ERG: variants seen among roughly 807,000 people sequenced by gnomAD.
The protein encoded by ERG is ETS transcription factor ERG.
A neutral mutation model predicts 55.3 loss-of-function variants in ERG; 9 were observed. The observed-to-expected ratio is 0.16, with a 90% CI of 0.10 to 0.28. ERG has a LOEUF of 0.28. Ranked by LOEUF, ERG falls within the 10% of genes least tolerant of loss-of-function variation. ERG has a pLI of 1.00. For missense variants in ERG, 434 were observed against 631.6 expected (o/e 0.69, Z 3.35); for synonymous variants, 223 against 237.3 (o/e 0.94, Z 0.55).
the ERG span, among the ~76,000 whole-genome samples, chr21:38,373,856 CAT>C: frequency 2.0e-5 from 3 of 152,024 alleles, no homozygotes; most frequent in South Asian, 2.1e-4. Context: ...TGAGACAGCA[CAT>C]GAGTAAGCTC....
intron 2 of ERG, among the ~76,000 whole-genome samples, chr21:38,435,283 G>A (rs1213274773): frequency 6.6e-6 from 1 of 152,066 alleles, no homozygotes; most frequent in African/African-American, 2.4e-5. Context: ...AGTGTGAATC[G>A]AGGTCAGTCA....
intron 2 of ERG, among the ~76,000 whole-genome samples, chr21:38,521,616 G>A (rs1375730448): frequency 1.3e-5 from 2 of 152,152 alleles, no homozygotes; most frequent in African/African-American, 2.4e-5. Flanking sequence ...GAGGAACCTG[G>A]TACAAGTGAA....
intron 1 of ERG, chr21:38,471,446 C>T (rs2059138478): frequency 6.6e-6 from 1 of 152,220 alleles, no homozygotes; most frequent in African/African-American, 2.4e-5. Context: ...CGGAGCTCAT[C>T]AAAGAACGAC....
At chr21:38,454,981 C>T (rs2058973921) in intron 1 of ERG, among the ~76,000 whole-genome samples, 1 of 152,098 alleles carries the variant, frequency 6.6e-6, no homozygotes, top group Non-Finnish European at 1.5e-5. Context: ...TAAATCAAAG[C>T]TTTGTGCAGG....
At chr21:38,594,495 G>A (rs907294965) in intron 1 of ERG, among the ~76,000 whole-genome samples, 2 of 152,062 alleles carry the variant, frequency 1.3e-5, no homozygotes, top group Non-Finnish European at 2.9e-5. Flanking sequence ...AGCTGTGGAC[G>A]GGGCCATATG....
chr21:38,610,672 C>T (rs1488763679), intron 1 of ERG, among the ~76,000 whole-genome samples: 1 of 152,200 alleles, frequency 6.6e-6, no homozygotes, highest in Non-Finnish European at 1.5e-5. Flanking sequence ...TCTGAGCAAT[C>T]ATTCTGTGCT....
intron 1 of ERG, among the ~76,000 whole-genome samples, chr21:38,612,401 T>G (rs1461053757): frequency 6.6e-6 from 1 of 152,224 alleles, no homozygotes; most frequent in Non-Finnish European, 1.5e-5. Context: ...TTTCAAAACA[T>G]GTTCCAGTTT....
chr21:38,606,315 TAGAC>T (rs1278278813), intron 1 of ERG, among the ~76,000 whole-genome samples: 2 of 152,166 alleles, frequency 1.3e-5, no homozygotes, highest in Admixed American at 6.5e-5. Flanking sequence ...AGAAAGATGA[TAGAC>T]AGATAGATAG....
At position 38,382,867 on chromosome 21, in the gene ERG, A is replaced by C. The variant is rs1359326297; in HGVS notation, c.*536T>G. ...ACGGAATGTATTTGATTTCAACCAA[A>C]ACAGCACATGCCATGCAGTTGCATA... is the stretch of plus-strand genomic sequence containing the variant. On this transcript the variant is annotated 3_prime_UTR_variant, in exon 10 of 10. Coordinates refer to ENST00000288319, the MANE Select transcript of ERG (RefSeq NM_182918.4). 2.6e-5 allele frequency: 28 copies of C among 1,066,332 alleles called. No homozygotes were observed. Among genetic ancestry groups the C allele is most frequent in the Non-Finnish European group, 3.1e-5 (27 of 879,698 alleles). The allele number at this position is 1,066,332 out of a possible 1,614,324, so 66.1% of individuals were successfully genotyped here. A position where few individuals can be genotyped will look rare whatever the true frequency, so the allele number is the denominator to read the frequency against.
intron 2 of ERG, among the ~76,000 whole-genome samples, chr21:38,528,914 C>G (rs190911915): frequency 1.3e-5 from 2 of 152,138 alleles, no homozygotes; most frequent in African/African-American, 4.8e-5. Context: ...GATACTATGT[C>G]TGCATTTCCA....
At chr21:38,627,769 C>T (rs118088080) in intron 1 of ERG, among the ~76,000 whole-genome samples, 3,523 of 152,234 alleles carry the variant, frequency 0.023, 70 homozygotes, top group Admixed American at 0.034. Flanking sequence ...ACTTTCTTAT[C>T]TGTCTGACAT....
At chr21:38,481,163 G>T (rs1287021732) in intron 1 of ERG, among the ~76,000 whole-genome samples, 2 of 152,122 alleles carry the variant, frequency 1.3e-5, no homozygotes, top group Admixed American at 6.6e-5. Context: ...TCAAATAAAG[G>T]TCATTTCCTT....
At chr21:38,389,082 C>T (rs185725741) in intron 9 of ERG, among the ~76,000 whole-genome samples, 1 of 152,322 alleles carries the variant, frequency 6.6e-6, no homozygotes, top group Non-Finnish European at 1.5e-5. Flanking sequence ...ATCGCCTGCA[C>T]CTAAGCAGTT....
chr21:38,545,898 A>G (rs542196960), intron 2 of ERG, among the ~76,000 whole-genome samples: 13 of 152,318 alleles, frequency 8.5e-5, no homozygotes, highest in African/African-American at 2.9e-4. Context: ...TCAGCTCTTC[A>G]AAGTCAAAGA....
At chr21:38,455,261 A>C (rs1232245960) in intron 1 of ERG, among the ~76,000 whole-genome samples, 1 of 152,162 alleles carries the variant, frequency 6.6e-6, no homozygotes, top group Non-Finnish European at 1.5e-5. Flanking sequence ...AATTTTTCAT[A>C]AACTTCTATG....
At chr21:38,377,835 C>T (rs1987284780), downstream of ERG, among the ~76,000 whole-genome samples, 1 of 152,146 alleles carries the variant, frequency 6.6e-6, no homozygotes. Flanking sequence ...TGATGCATGT[C>T]TAATGCTGAG....
At chr21:38,393,588 C>T (rs743298) in intron 6 of ERG, among the ~76,000 whole-genome samples, 32,723 of 152,166 alleles carry the variant, frequency 0.22, 4,127 homozygotes, top group South Asian at 0.35. Flanking sequence ...TTAAGCTTCT[C>T]TTTAAACAAA....
intron 1 of ERG, among the ~76,000 whole-genome samples, chr21:38,661,465 C>T (rs1197156476): frequency 6.6e-6 from 1 of 152,142 alleles, no homozygotes; most frequent in African/African-American, 2.4e-5. Flanking sequence ...CGCGGGGATG[C>T]CGAGGGCACC....
chr21:38,389,386 G>A (rs983020356), intron 9 of ERG, among the ~76,000 whole-genome samples: 7 of 151,992 alleles, frequency 4.6e-5, no homozygotes, highest in African/African-American at 1.7e-4. Context: ...GGCATTCTGC[G>A]GGATGGGAGC....
Sources: gnomAD v4.1 joint callset for allele counts (sites outside exome capture counted in the v4.1 genomes callset) on GRCh38, gnomAD v4.1.1 for gene constraint, MANE v1.5 for transcripts, NCBI Gene and HGNC (gene_info 2026-07-23, HGNC 2026-07-21) for gene names.